The following FANK1 variants were observed in gnomAD, a reference collection of about 807,000 sequenced individuals.
FANK1 encodes the protein fibronectin type III and ankyrin repeat domains 1, also known as fibronectin type 3 and ankyrin repeat domains protein 1.
FANK1 carries 44 observed loss-of-function variants against 45.3 expected under a neutral mutation model. That is an observed-to-expected ratio of 0.97 (90% CI 0.76 to 1.25). FANK1 has a LOEUF of 1.25. Among genes scored for constraint, FANK1 ranks in the 50% most tolerant of loss-of-function variants. The probability of loss-of-function intolerance (pLI) is 0.00; values close to 1 mark genes in which losing one functional copy is unlikely to be tolerated. For synonymous variants in FANK1, 149 were observed against 152.5 expected, an observed-to-expected ratio of 0.98 and a Z score of 0.17; for missense variants, 391 against 424.4, an observed-to-expected ratio of 0.92 and a Z score of 0.69.
chr10:125,988,757 C>G (rs73370560), intron 3 of FANK1, 82 bp downstream of exon 3: 2 of 1,602,416 alleles, frequency 1.2e-6, no homozygotes, highest in Non-Finnish European at 8.5e-7. Context: ...TTCTGCCTCT[C>G]GTTTGGCCTT....
intron 1 of FANK1, among the ~76,000 whole-genome samples, chr10:125,912,443 AGTGTGTGTGTGTGTGTGTGTGTGT>A (rs60956003): frequency 1.8e-4 from 26 of 147,192 alleles, no homozygotes; most frequent in Non-Finnish European, 3.6e-4. Flanking sequence ...GCACCACCAA[AGTGTGTGTGTGTGTGTGTGTGTGT>A]GTGTGTGTGT....
chr10:125,950,792 A>G (rs1332694027), intron 1 of FANK1, among the ~76,000 whole-genome samples: 1 of 148,498 alleles, frequency 6.7e-6, no homozygotes, highest in Admixed American at 6.7e-5. Context: ...ACACATGCAC[A>G]CGTATGTTTA....
intron 2 of FANK1, among the ~76,000 whole-genome samples, chr10:125,985,170 A>G (rs58491697): frequency 0.014 from 2,114 of 152,338 alleles, 48 homozygotes; most frequent in African/African-American, 0.046. Context: ...ATTTAGCAAT[A>G]CTGAATTTTA....
chr10:125,906,226 G>T (rs1945500066), intron 1 of FANK1, among the ~76,000 whole-genome samples: 1 of 152,030 alleles, frequency 6.6e-6, no homozygotes, highest in Non-Finnish European at 1.5e-5. Context: ...TACAAAAAAA[G>T]AAGGAGCAGC....
chr10:125,970,779 G>C (rs951703927), intron 1 of FANK1, among the ~76,000 whole-genome samples: 2 of 152,200 alleles, frequency 1.3e-5, no homozygotes, highest in Admixed American at 1.3e-4. Flanking sequence ...GTCCAGCCTC[G>C]GCAACAGAGG....
At chr10:125,904,793 A>G (rs1328872832) in intron 1 of FANK1, among the ~76,000 whole-genome samples, 1 of 152,180 alleles carries the variant, frequency 6.6e-6, no homozygotes, top group Non-Finnish European at 1.5e-5. Flanking sequence ...TGTAATCTCA[A>G]AAAATGAGCA....
chr10:125,947,519 G>A (rs1273892906), intron 1 of FANK1, among the ~76,000 whole-genome samples: 8 of 150,478 alleles, frequency 5.3e-5, no homozygotes, highest in Non-Finnish European at 1.5e-5. Flanking sequence ...GACAAAGAAG[G>A]CCATTACATA....
chr10:125,906,515 C>CAAAAAAAAAAAAAAAAAAAAAAAAA (rs34132526), intron 1 of FANK1, among the ~76,000 whole-genome samples: 4 of 46,422 alleles, frequency 8.6e-5, no homozygotes, highest in Non-Finnish European at 1.3e-4. Flanking sequence ...GACTCTGTCT[C>CAAAAAAAAAAAAAAAAAAAAAAAAA]AAAAAAAAAA....
intron 2 of FANK1, among the ~76,000 whole-genome samples, chr10:125,982,140 C>G (rs560728155): frequency 3.3e-5 from 5 of 152,332 alleles, no homozygotes; most frequent in African/African-American, 1.2e-4. Flanking sequence ...AAACATTTCT[C>G]TTGAGAAAGA....
At position 125,942,558 on chromosome 10, in the gene FANK1, C is replaced by T. The variant is rs189341747; in HGVS notation, c.14-37603C>T. ...CGAAAAGAATACAAAATTAAGAAAA[C>T]GAAATTAGGTAGAAAAGCTAACATT... On this transcript the variant is annotated intron_variant, in intron 1 of 10. Coordinates refer to ENST00000368693, the MANE Select transcript of FANK1 (RefSeq NM_145235.5). Among the ~76,000 whole-genome samples, 767 of 151,658 alleles carry T rather than the reference C, an allele frequency of 5.1e-3. 1 individual carries two copies. Among genetic ancestry groups the T allele is most frequent in the African/African-American group, 0.018 (741 of 41,350 alleles).
chr10:125,995,728 A>ATT (rs1952281628), intron 4 of FANK1, among the ~76,000 whole-genome samples: 1 of 152,088 alleles, frequency 6.6e-6, no homozygotes, highest in Non-Finnish European at 1.5e-5. Context: ...TGTAAAAGGA[A>ATT]TTACAAGGCT....
chr10:125,936,119 CAG>C (rs1948079705), intron 1 of FANK1, among the ~76,000 whole-genome samples: 2 of 152,092 alleles, frequency 1.3e-5, no homozygotes, highest in African/African-American at 4.8e-5. Flanking sequence ...ATGGAAACAT[CAG>C]AGAATACTGT....
At chr10:125,997,548 G>C (rs1339263664) in intron 6 of FANK1, 63 bp downstream of exon 6, 1 of 1,484,026 alleles carries the variant, frequency 6.7e-7, no homozygotes, top group Admixed American at 1.8e-5. Flanking sequence ...CTAGGCTTGT[G>C]CCCAGAGGGG....
chr10:125,993,079 C>T (rs1369071031), intron 3 of FANK1, among the ~76,000 whole-genome samples: 3 of 152,172 alleles, frequency 2.0e-5, no homozygotes, highest in Non-Finnish European at 4.4e-5. Context: ...TTCTGACTCC[C>T]AGTCTTGTGG....
chr10:125,973,359 G>T (rs1166151564), intron 1 of FANK1: 1 of 844,108 alleles, frequency 1.2e-6, no homozygotes, highest in East Asian at 1.2e-4. Context: ...ACCATTCCTG[G>T]TGTTTGGTTT....
chr10:125,899,430 C>T (rs1462680724), intron 1 of FANK1, among the ~76,000 whole-genome samples: 7 of 152,088 alleles, frequency 4.6e-5, no homozygotes, highest in African/African-American at 1.4e-4. Context: ...AATTTGTTCT[C>T]GAACGCCTGG....
At chr10:125,978,132 C>T in intron 1 of FANK1, among the ~76,000 whole-genome samples, 1 of 152,142 alleles carries the variant, frequency 6.6e-6, no homozygotes, top group African/African-American at 2.4e-5. Flanking sequence ...TCAGATTTTC[C>T]AGAACCTGGA....
chr10:125,996,275 A>G (rs959783956), intron 4 of FANK1, among the ~76,000 whole-genome samples: 2 of 152,240 alleles, frequency 1.3e-5, no homozygotes, highest in African/African-American at 4.8e-5. Flanking sequence ...GCTTTATCCG[A>G]TGGCCTCATG....
At chr10:125,988,913 G>A (rs112222211) in intron 3 of FANK1, 5 of 636,550 alleles carry the variant, frequency 7.9e-6, no homozygotes, top group African/African-American at 7.2e-5. Flanking sequence ...CCTGTTAGTA[G>A]CCATTCAGCA....
Sources: allele counts gnomAD v4.1 joint callset (sites outside exome capture counted in the v4.1 genomes callset), GRCh38; gene constraint gnomAD v4.1.1; transcripts MANE v1.5; gene names NCBI Gene and HGNC (gene_info 2026-07-23, HGNC 2026-07-21).